Variants in NAA60 observed in about 807,000 individuals in gnomAD.
NAA60 encodes the protein N-alpha-acetyltransferase 60.
Under a neutral mutation model 26.1 loss-of-function variants are expected in NAA60, and 8 were observed. The observed-to-expected ratio is 0.31, with a 90% CI of 0.18 to 0.55. The LOEUF is 0.55. Ranked by LOEUF, NAA60 falls within the 20% of genes least tolerant of loss-of-function variation. NAA60 has a pLI of 0.93. For synonymous variants in NAA60, 131 were observed against 122.5 expected (o/e 1.07, Z -0.46); for missense variants, 290 against 311.3 (o/e 0.93, Z 0.51).
chr16:3,485,875 G>T lies in NAA60; in HGVS notation c.*615G>T. ...TTCCTCGCAAGCACAGAGCTCTGAG[G>T]CTCAGCCCCCTGGCACAGGCGGTCA... On this transcript the variant is annotated 3_prime_UTR_variant, in exon 8 of 8. Transcript: ENST00000407558. The T allele has an allele frequency of 2.8e-6, 1 of 355,904 alleles. No individual in the cohort carries two copies. 22.0% of individuals were successfully genotyped at this position (355,904 alleles called of 1,614,324 possible). A position where few individuals can be genotyped will look rare whatever the true frequency, so the allele number is the denominator to read the frequency against.
At position 3,476,209 on chromosome 16, in the gene NAA60, C is replaced by A. The variant is rs1374652695; in HGVS notation, c.-6-13C>A. The A allele has an allele frequency of 1.1e-5, 17 of 1,577,596 alleles. No homozygotes were observed. The highest frequency in any genetic ancestry group is 2.7e-5 in the African/African-American group (2 of 74,184). ...GCTGTGAGGTGACGCGTCCCCCCCA[C>A]CCTTCCCCACAGGTGTGAATGACAG... is the stretch of plus-strand genomic sequence containing the variant. On this transcript the variant is annotated splice_polypyrimidine_tract_variant and intron_variant, in intron 2 of 7. Coordinates refer to ENST00000407558, the MANE Select transcript of NAA60 (RefSeq NM_001083601.3).
intron 2 of NAA60, among the ~76,000 whole-genome samples, chr16:3,458,545 G>C (rs888352092): frequency 7.2e-5 from 11 of 152,276 alleles, no homozygotes; most frequent in African/African-American, 2.4e-4. Context: ...GGGGTGTCGC[G>C]CGAGGTGAAG....
intron 1 of NAA60, among the ~76,000 whole-genome samples, chr16:3,445,340 C>G (rs1462158634): frequency 6.7e-6 from 1 of 148,364 alleles, no homozygotes. Flanking sequence ...GTGGCACAAT[C>G]CTGACTCACT....
chr16:3,460,259 C>T (rs1209865849), intron 2 of NAA60, among the ~76,000 whole-genome samples: 3 of 152,216 alleles, frequency 2.0e-5, no homozygotes, highest in African/African-American at 7.2e-5. Flanking sequence ...TCTTAAATGG[C>T]AGCTCCTCCA....
chr16:3,482,549 G>T lies in NAA60; in HGVS notation c.288G>T (p.Ala96=), dbSNP rs373081494. The change falls in exon 5 of 8, where the codon GCG becomes GCT. Residue 96 remains alanine (A), a synonymous_variant. Coordinates refer to ENST00000407558, the MANE Select transcript of NAA60 (RefSeq NM_001083601.3). ...ACTTCTCTGTTGACACACAAGTCGC[G>T]TACATCCTAAGTCTGGGCGTCGTGA... is the stretch of plus-strand genomic sequence containing the variant. ...ASNFSVDTQV[A]YILSLGVVKE... 5.0e-6 allele frequency: 8 copies of T among 1,609,270 alleles called. No homozygotes were observed. The African/African-American group carries it at 9.3e-5, about 19-fold the overall frequency.
At chr16:3,444,348 C>T (rs922772927) in intron 1 of NAA60, among the ~76,000 whole-genome samples, 2 of 152,048 alleles carry the variant, frequency 1.3e-5, no homozygotes, top group African/African-American at 4.8e-5. Flanking sequence ...TCCTCAGCTG[C>T]AAACAGCTCA....
intron 2 of NAA60, among the ~76,000 whole-genome samples, chr16:3,460,885 T>C (rs1023391059): frequency 1.3e-5 from 2 of 152,240 alleles, no homozygotes; most frequent in Non-Finnish European, 2.9e-5. Flanking sequence ...GTGCAAAGAA[T>C]GATCCAGGAT....
intron 2 of NAA60, among the ~76,000 whole-genome samples, chr16:3,465,018 A>C (rs1231684500): frequency 6.6e-6 from 1 of 152,164 alleles, no homozygotes; most frequent in East Asian, 1.9e-4. Flanking sequence ...CTGTAATCTC[A>C]GTACTTTGGG....
intron 3 of NAA60, 56 bp from the exon 4 acceptor site, chr16:3,479,415 G>T: frequency 6.3e-7 from 1 of 1,593,888 alleles, no homozygotes; most frequent in South Asian, 1.1e-5. Flanking sequence ...TCTAGAGCAC[G>T]ACCATAGTTG....
Position 3,485,797 on chromosome 16 carries a change from G to A in NAA60, c.*537G>A. 2.5e-6 allele frequency: 1 copy of A among 398,906 alleles called. No individual in the cohort carries two copies. The highest frequency in any genetic ancestry group is 5.1e-6 in the Non-Finnish European group (1 of 197,180). 24.7% of individuals were successfully genotyped at this position (398,906 alleles called of 1,614,324 possible). On this transcript the variant is annotated 3_prime_UTR_variant, in exon 8 of 8. Transcript: ENST00000407558. Reference sequence around the variant, plus strand: ...AAAGAAGCCTGGGGGGTGAGGAGTGGCCCCCACTCCTCCATGAGGGGCTGA... The same window carrying A: ...AAAGAAGCCTGGGGGGTGAGGAGTGACCCCCACTCCTCCATGAGGGGCTGA...
Position 3,483,543 on chromosome 16 carries a change from A to G in NAA60, c.518A>G (p.Asp173Gly), listed in dbSNP as rs2036978330. 6.2e-7 allele frequency: 1 copy of G among 1,613,410 alleles called. No homozygotes were observed. Among genetic ancestry groups the G allele is most frequent in the Non-Finnish European group, 8.5e-7 (1 of 1,179,726 alleles). The part of the protein sequence containing the change: ...YYYSIRGVLK[D>G]GFTYVLYING... Reference sequence around the variant, plus strand: ...TACTCCATTCGAGGGGTCCTCAAAGATGGCTTCACCTATGTCCTCTACATC... The same window carrying G: ...TACTCCATTCGAGGGGTCCTCAAAGGTGGCTTCACCTATGTCCTCTACATC... The change falls in exon 6 of 8, where the codon GAT becomes GGT. Residue 173 changes from aspartate to glycine, a missense_variant. Asp to Gly is a moderately conservative substitution (Grantham distance 94). Transcript: ENST00000407558.
intron 2 of NAA60, among the ~76,000 whole-genome samples, chr16:3,471,105 A>C (rs191458861): frequency 1.3e-4 from 20 of 152,190 alleles, no homozygotes; most frequent in African/African-American, 4.3e-4. Flanking sequence ...AAATGAGGAT[A>C]CTGGGGGAAA....
At chr16:3,462,225 G>A (rs985188733) in intron 2 of NAA60, among the ~76,000 whole-genome samples, 1 of 151,798 alleles carries the variant, frequency 6.6e-6, no homozygotes, top group African/African-American at 2.4e-5. Flanking sequence ...TATTGACACT[G>A]GGGCCCATCT....
At chr16:3,447,641 C>G in intron 1 of NAA60, 1 of 985,354 alleles carries the variant, frequency 1.0e-6, no homozygotes, top group Non-Finnish European at 1.2e-6. Context: ...TTATCTTTCT[C>G]CCAACTTCAG....
chr16:3,477,166 G>A (rs907416907), intron 3 of NAA60, among the ~76,000 whole-genome samples: 7 of 152,026 alleles, frequency 4.6e-5, no homozygotes, highest in Non-Finnish European at 8.8e-5. Context: ...TGAACTGAGC[G>A]GGGGTGAAAA....
intron 2 of NAA60, chr16:3,449,863 C>T (rs141137409): frequency 1.6e-5 from 6 of 378,360 alleles, no homozygotes; most frequent in Non-Finnish European, 2.8e-5. Context: ...TGCACAAGCC[C>T]TCTTTTGTCT....
rs114874925 is a variant in NAA60 at position 3,478,527 on chromosome 16, C to T, written c.111-944C>T. ...CCTAGAAACTCCATGTGCCTCTGTC[C>T]TCCTGACCTTGTCTCTCTGGGGCTG... On this transcript the variant is annotated intron_variant, in intron 3 of 7. Coordinates refer to ENST00000407558, the MANE Select transcript of NAA60 (RefSeq NM_001083601.3). 3.0e-3 allele frequency among the ~76,000 whole-genome samples: 456 copies of T among 152,308 alleles called. 4 individuals carry two copies. The highest frequency in any genetic ancestry group is 0.01 in the African/African-American group (432 of 41,574).
intron 1 of NAA60, among the ~76,000 whole-genome samples, chr16:3,444,770 G>A (rs1404778301): frequency 1.3e-5 from 2 of 152,148 alleles, no homozygotes; most frequent in African/African-American, 4.8e-5. Context: ...TGTTGGTAAC[G>A]TTGACAATAG....
At chr16:3,485,265 AC>A (rs1289397767) in intron 7 of NAA60, 13 of 622,922 alleles carry the variant, frequency 2.1e-5, no homozygotes, top group Admixed American at 1.9e-4. Context: ...TGGGCTGTGC[AC>A]CCGACTTTGG....
Sources: gnomAD v4.1 joint callset for allele counts (sites outside exome capture counted in the v4.1 genomes callset) on GRCh38, gnomAD v4.1.1 for gene constraint, MANE v1.5 for transcripts, NCBI Gene and HGNC (gene_info 2026-07-23, HGNC 2026-07-21) for gene names.